ARHGEF10L: variants seen among roughly 807,000 people sequenced by gnomAD.
The protein encoded by ARHGEF10L is rho guanine nucleotide exchange factor 10-like protein.
A neutral mutation model predicts 141.2 loss-of-function variants in ARHGEF10L; 69 were observed. The ratio of observed to expected loss-of-function variants is 0.49; its 90% CI spans 0.40 to 0.60. ARHGEF10L has a LOEUF of 0.60. ARHGEF10L is among the 20% of genes least tolerant of loss of function. ARHGEF10L has a pLI of 0.00. For missense variants in ARHGEF10L, 1,482 were observed against 1,734.3 expected, an observed-to-expected ratio of 0.85 and a Z score of 2.58; for synonymous variants, 711 against 718.5, an observed-to-expected ratio of 0.99 and a Z score of 0.17.
chr1:17,622,961 C>T (rs747612114), intron 11 of ARHGEF10L, 35 bp from the exon 12 acceptor site: 1 of 1,590,618 alleles, frequency 6.3e-7, no homozygotes, highest in Non-Finnish European at 8.5e-7. Context: ...GAGGCTGCGG[C>T]CTGGCCTGCG....
At chr1:17,680,089 C>G (rs1042530132) in intron 26 of ARHGEF10L, among the ~76,000 whole-genome samples, 1 of 152,054 alleles carries the variant, frequency 6.6e-6, no homozygotes, top group Non-Finnish European at 1.5e-5. Flanking sequence ...GCCCCTGCCC[C>G]TGCCCTGCCC....
chr1:17,694,970 C>T (rs1322366222), intron 27 of ARHGEF10L, 188 bp from the exon 28 acceptor site: 4 of 809,244 alleles, frequency 4.9e-6, no homozygotes, highest in Non-Finnish European at 8.5e-6. Flanking sequence ...TGCTCAGCTG[C>T]AGGACCTCGT....
intron 26 of ARHGEF10L, among the ~76,000 whole-genome samples, chr1:17,668,334 C>A (rs1232155922): frequency 6.6e-6 from 1 of 152,250 alleles, no homozygotes; most frequent in Non-Finnish European, 1.5e-5. Flanking sequence ...CTCCTGCCGA[C>A]AGCTGTCCAG....
In ARHGEF10L at chr1:17,655,882, G is replaced by T; in HGVS notation, c.2485G>T (p.Gly829Trp). 2 of 1,553,270 alleles carry T rather than the reference G, an allele frequency of 1.3e-6. No individual in the cohort carries two copies. The highest frequency in any genetic ancestry group is 4.8e-5 in the East Asian group (2 of 41,764). The change falls in exon 24 of 29, where the codon GGG (glycine) becomes TGG (tryptophan). Residue 829 changes from glycine to tryptophan, a missense_variant. By Grantham distance (184) the Gly-to-Trp change is radical (BLOSUM62 -2). Transcript: ENST00000361221. Reference protein sequence around the residue: ...TSLPQGYLWVGGGQEGAGGQV... With the variant: ...TSLPQGYLWVWGGQEGAGGQV... ...CTCTCTGGGTCTCTGCTCCCAGGTC[G>T]GGGGCGGACAGGAAGGCGCAGGGGG... is the stretch of plus-strand genomic sequence containing the variant.
chr1:17,687,766 C>G lies in ARHGEF10L; in HGVS notation c.3184+19C>G, dbSNP rs374913905. ...CTGCCAGGTGAGGCTGCCTCGGGCACGGGGGAGCGGACAGTCACAGAGCAC... is the reference window on the plus strand; with the variant it reads ...CTGCCAGGTGAGGCTGCCTCGGGCAGGGGGGAGCGGACAGTCACAGAGCAC... On this transcript the variant is annotated intron_variant, in intron 27 of 28. Transcript: ENST00000361221. The G allele has an allele frequency of 6.4e-7, 1 of 1,556,446 alleles. No homozygotes were observed. The highest frequency in any genetic ancestry group is 1.2e-5 in the South Asian group (1 of 81,388).
chr1:17,537,808 G>A (rs1382413985), upstream of ARHGEF10L, among the ~76,000 whole-genome samples: 1 of 135,970 alleles, frequency 7.4e-6, no homozygotes, highest in Non-Finnish European at 1.5e-5. Flanking sequence ...CTTGAGCCCA[G>A]GAGTTCAAGA....
intron 26 of ARHGEF10L, among the ~76,000 whole-genome samples, chr1:17,687,124 T>C (rs1255298457): frequency 6.6e-6 from 1 of 152,204 alleles, no homozygotes; most frequent in African/African-American, 2.4e-5. Flanking sequence ...TTTGTCACTT[T>C]AAATCATTTA....
At chr1:17,517,961 C>G in the ARHGEF10L span, among the ~76,000 whole-genome samples, 1 of 152,142 alleles carries the variant, frequency 6.6e-6, no homozygotes, top group South Asian at 2.1e-4. Context: ...CAGCGCCTGG[C>G]CCTCATTATT....
chr1:17,660,463 C>A (rs924438483), intron 25 of ARHGEF10L, among the ~76,000 whole-genome samples: 2 of 152,188 alleles, frequency 1.3e-5, no homozygotes, highest in African/African-American at 4.8e-5. Flanking sequence ...ACGAGTGCCG[C>A]GACACAGCCT....
intron 26 of ARHGEF10L, among the ~76,000 whole-genome samples, chr1:17,685,685 A>G (rs1295832471): frequency 6.6e-6 from 1 of 152,256 alleles, no homozygotes; most frequent in Non-Finnish European, 1.5e-5. Flanking sequence ...CACCCACACC[A>G]GACACATAGT....
intron 1 of ARHGEF10L, among the ~76,000 whole-genome samples, chr1:17,577,368 C>T (rs1427309030): frequency 6.6e-6 from 1 of 152,150 alleles, no homozygotes; most frequent in African/African-American, 2.4e-5. Flanking sequence ...TTTTTAATCC[C>T]CATTTTGCAG....
intron 1 of ARHGEF10L, among the ~76,000 whole-genome samples, chr1:17,562,999 C>A (rs2077603005): frequency 1.3e-5 from 2 of 152,092 alleles, no homozygotes; most frequent in South Asian, 4.1e-4. Flanking sequence ...CTGGCCTGTG[C>A]AGGAGGAGAG....
At chr1:17,686,092 TTCTTTCTTTCTTTC>T in intron 26 of ARHGEF10L, among the ~76,000 whole-genome samples, 1 of 147,318 alleles carries the variant, frequency 6.8e-6, no homozygotes, top group East Asian at 2.0e-4. Context: ...CTTTCTTTCT[TTCTTTCTTTCTTTC>T]TTTTTTTTTT....
intron 15 of ARHGEF10L, among the ~76,000 whole-genome samples, chr1:17,628,891 C>G (rs1367852080): frequency 6.6e-6 from 1 of 152,198 alleles, no homozygotes; most frequent in East Asian, 1.9e-4. Context: ...TGAAGTGGGG[C>G]AGGGACAAGG....
At chr1:17,604,433 A>G (rs1383798281) in intron 6 of ARHGEF10L, 1 of 152,192 alleles carries the variant, frequency 6.6e-6, no homozygotes, top group Admixed American at 6.5e-5. Context: ...CAGGATTTGA[A>G]CAGCGACTTC....
chr1:17,678,468 A>G (rs190416430), intron 26 of ARHGEF10L, among the ~76,000 whole-genome samples: 45 of 136,070 alleles, frequency 3.3e-4, no homozygotes, highest in African/African-American at 1.3e-3. Flanking sequence ...TGAACAGGCT[A>G]GAGTGCAATG....
intron 1 of ARHGEF10L, among the ~76,000 whole-genome samples, chr1:17,547,531 A>G (rs773750169): frequency 4.6e-5 from 7 of 152,146 alleles, no homozygotes; most frequent in Non-Finnish European, 8.8e-5. Context: ...CCCTCTCTTC[A>G]TTGTTTGAAG....
chr1:17,516,032 G>GGCTT, the ARHGEF10L span, among the ~76,000 whole-genome samples: 567 of 152,380 alleles, frequency 3.7e-3, 6 homozygotes, highest in African/African-American at 0.013. Context: ...GAAGACTAAC[G>GGCTT]GCTTGGTGAG....
At chr1:17,580,892 A>T (rs2078486352) in intron 2 of ARHGEF10L, among the ~76,000 whole-genome samples, 1 of 152,154 alleles carries the variant, frequency 6.6e-6, no homozygotes. Context: ...AGGTGAACAC[A>T]CGGGGGTCTC....
Sources: allele counts gnomAD v4.1 joint callset (sites outside exome capture counted in the v4.1 genomes callset), GRCh38; gene constraint gnomAD v4.1.1; transcripts MANE v1.5; gene names NCBI Gene and HGNC (gene_info 2026-07-23, HGNC 2026-07-21).